Variants in FRMD4A observed in about 807,000 individuals in gnomAD.
The protein encoded by FRMD4A is FERM domain containing 4A, also known as FERM domain-containing protein 4A.
In FRMD4A, 29 loss-of-function variants were observed where a neutral mutation model predicts 129.1. That is an observed-to-expected ratio of 0.22 (90% CI 0.17 to 0.31). The LOEUF is 0.31. FRMD4A is among the 10% of genes least tolerant of loss of function. The pLI, the probability that FRMD4A is intolerant of heterozygous loss-of-function variation, is 1.00. For synonymous variants in FRMD4A, 634 were observed against 571.6 expected (o/e 1.11, Z -1.56); for missense variants, 1,272 against 1,375.8 (o/e 0.92, Z 1.19).
chr10:14,097,991 A>T (rs1754591709), intron 2 of FRMD4A, among the ~76,000 whole-genome samples: 1 of 139,154 alleles, frequency 7.2e-6, no homozygotes, highest in East Asian at 2.0e-4. Context: ...TATTATATAA[A>T]TTATAGATTA....
rs2081031398 is a variant in FRMD4A at position 13,644,999 on chromosome 10, A to G, written c.*2039T>C. 2 of 152,236 alleles carry G rather than the reference A, an allele frequency of 1.3e-5. No individual in the cohort carries two copies. The highest frequency in any genetic ancestry group is 2.4e-5 in the African/African-American group (1 of 41,444). The allele number at this position is 152,236 out of a possible 1,614,324, so 9.4% of individuals were successfully genotyped here. A position where few individuals can be genotyped will look rare whatever the true frequency, so the allele number is the denominator to read the frequency against. On this transcript the variant is annotated 3_prime_UTR_variant, in exon 25 of 25. Transcript: ENST00000357447. ...TCCAGCCATGCATGGAGCTGGGGAAAGCAGGCCCTGAATTGTCTAGAGAGA... is the reference window on the plus strand; with the variant it reads ...TCCAGCCATGCATGGAGCTGGGGAAGGCAGGCCCTGAATTGTCTAGAGAGA...
At chr10:14,114,559 G>A (rs568354003) in intron 2 of FRMD4A, among the ~76,000 whole-genome samples, 5 of 152,324 alleles carry the variant, frequency 3.3e-5, no homozygotes, top group African/African-American at 7.2e-5. Context: ...GACCCAAAAA[G>A]AGCAGAAAGG....
rs1254471286 is a variant in FRMD4A, at chr10:14,202,068, GGGGA to G, written c.45+127986_45+127989del. Among the ~76,000 whole-genome samples, 4 of 152,264 alleles carry G rather than the reference GGGGA, an allele frequency of 2.6e-5. No homozygotes were observed. The East Asian group carries it at 7.7e-4, about 29-fold the overall frequency. On this transcript the variant is annotated intron_variant, in intron 2 of 24. Coordinates refer to ENST00000357447, the MANE Select transcript of FRMD4A (RefSeq NM_018027.5). ...CAAGAGAATTGCTTGAACCCGGGAG[GGGGA>G]GGTTGCAGTGAGCTGAGATCGTGCC...
At chr10:14,226,588 T>TTC (rs1262960271) in intron 2 of FRMD4A, among the ~76,000 whole-genome samples, 2 of 152,164 alleles carry the variant, frequency 1.3e-5, no homozygotes, top group Non-Finnish European at 2.9e-5. Flanking sequence ...GATGGCCATC[T>TTC]TCTCCCTGTG....
At chr10:13,683,104 C>T (rs934744093) in intron 15 of FRMD4A, among the ~76,000 whole-genome samples, 5 of 151,692 alleles carry the variant, frequency 3.3e-5, no homozygotes, top group South Asian at 2.1e-4. Flanking sequence ...CTGCAACCTC[C>T]GCCTCCTGGG....
chr10:14,270,084 AC>A (rs1371554835), intron 2 of FRMD4A, among the ~76,000 whole-genome samples: 1 of 152,132 alleles, frequency 6.6e-6, no homozygotes, highest in Non-Finnish European at 1.5e-5. Context: ...CAGGAAGAAA[AC>A]CAGTGGCCCC....
chr10:14,034,700 G>C (rs1404007185), intron 2 of FRMD4A, among the ~76,000 whole-genome samples: 1 of 152,164 alleles, frequency 6.6e-6, no homozygotes, highest in South Asian at 2.1e-4. Context: ...CCTTGGTCCA[G>C]TTTAGCTCAA....
At chr10:14,158,511 C>G (rs1480646221) in intron 2 of FRMD4A, among the ~76,000 whole-genome samples, 1 of 152,042 alleles carries the variant, frequency 6.6e-6, no homozygotes, top group Non-Finnish European at 1.5e-5. Flanking sequence ...TACTCGAGAG[C>G]TGAGGCAGGA....
intron 9 of FRMD4A, among the ~76,000 whole-genome samples, chr10:13,741,033 GC>G (rs565819878): frequency 7.4e-4 from 112 of 152,138 alleles, no homozygotes; most frequent in African/African-American, 2.6e-3. Flanking sequence ...CATCATGTTG[GC>G]CAGGCTGGTC....
chr10:13,702,540 ATG>A (rs398012859), intron 13 of FRMD4A, among the ~76,000 whole-genome samples: 43,261 of 107,378 alleles, frequency 0.4, 6,440 homozygotes, highest in African/African-American at 0.42. Flanking sequence ...GTGTGTTTGC[ATG>A]TGTGTGTGTG....
intron 2 of FRMD4A, among the ~76,000 whole-genome samples, chr10:14,066,832 T>A (rs1016641665): frequency 1.3e-5 from 2 of 152,194 alleles, no homozygotes; most frequent in African/African-American, 4.8e-5. Context: ...GTTATTGTTA[T>A]GAGAGACTTA....
At chr10:14,309,780 C>T (rs1201319511) in intron 2 of FRMD4A, among the ~76,000 whole-genome samples, 1 of 152,150 alleles carries the variant, frequency 6.6e-6, no homozygotes, top group Non-Finnish European at 1.5e-5. Flanking sequence ...ACGACCATTT[C>T]CTCTTCCCAA....
intron 12 of FRMD4A, among the ~76,000 whole-genome samples, chr10:13,725,386 G>A (rs1232681523): frequency 6.6e-6 from 1 of 152,350 alleles, no homozygotes; most frequent in East Asian, 1.9e-4. Flanking sequence ...ACCCCTTCCA[G>A]GAGGTGCCTC....
intron 8 of FRMD4A, among the ~76,000 whole-genome samples, chr10:13,752,544 A>G (rs548719387): frequency 6.6e-6 from 1 of 152,364 alleles, no homozygotes; most frequent in East Asian, 1.9e-4. Context: ...TTAGCGTGAA[A>G]GAATTCTTGC....
intron 2 of FRMD4A, among the ~76,000 whole-genome samples, chr10:14,142,191 C>G (rs1226290144): frequency 6.6e-6 from 1 of 151,862 alleles, no homozygotes; most frequent in African/African-American, 2.4e-5. Flanking sequence ...AAAGTCCCAG[C>G]TTTCTTAATT....
intron 2 of FRMD4A, among the ~76,000 whole-genome samples, chr10:14,086,264 T>C (rs1451448760): frequency 6.6e-6 from 1 of 152,198 alleles, no homozygotes; most frequent in Non-Finnish European, 1.5e-5. Flanking sequence ...AAAAAATCTT[T>C]CAAATGTACA....
chr10:13,969,281 C>T (rs2095503970), intron 2 of FRMD4A, among the ~76,000 whole-genome samples: 1 of 152,264 alleles, frequency 6.6e-6, no homozygotes, highest in South Asian at 2.1e-4. Context: ...TTGGACATAT[C>T]TGCCCCCAAG....
In FRMD4A at chr10:13,821,077, C is replaced by A. The variant is rs754840700; in HGVS notation, c.112-10169G>T. On this transcript the variant is annotated intron_variant, in intron 3 of 24. Coordinates refer to ENST00000357447, the MANE Select transcript of FRMD4A (RefSeq NM_018027.5). This position sits in a 1 kb window ranked among gnomAD's most constrained non-coding sequence, Gnocchi z 4.3. ...GTGTCCCTCTCCATCCCCATGGGGG[C>A]TCTGAGCCCAGCAATGGCTCAGCGG... Among the ~76,000 whole-genome samples the A allele has an allele frequency of 6.6e-6, 1 of 152,238 alleles. No homozygotes were observed. The highest frequency in any genetic ancestry group is 2.4e-5 in the African/African-American group (1 of 41,468).
chr10:14,170,677 G>A (rs1841428186), intron 2 of FRMD4A, among the ~76,000 whole-genome samples: 1 of 152,132 alleles, frequency 6.6e-6, no homozygotes, highest in African/African-American at 2.4e-5. Context: ...CCTTTCTAGG[G>A]TTAATTTCCA....
Sources: gnomAD v4.1 joint callset for allele counts (sites outside exome capture counted in the v4.1 genomes callset) on GRCh38, gnomAD v4.1.1 for gene constraint, Gnocchi (gnomAD v3.1) non-coding constraint, MANE v1.5 for transcripts, NCBI Gene and HGNC (gene_info 2026-07-23, HGNC 2026-07-21) for gene names.